FBXW7: variants seen among roughly 807,000 people sequenced by gnomAD.
FBXW7 encodes F-box and WD repeat domain containing 7.
Under a neutral mutation model 86.3 loss-of-function variants are expected in FBXW7, and 11 were observed. That is an observed-to-expected ratio of 0.13 (90% CI 0.08 to 0.21). The LOEUF is 0.21. Ranked by LOEUF, FBXW7 falls within the 10% of genes least tolerant of loss-of-function variation. The pLI is 1.00. For synonymous variants in FBXW7, 313 were observed against 297.9 expected (o/e 1.05, Z -0.52); for missense variants, 488 against 847.4 (o/e 0.58, Z 5.27).
At chr4:152,412,322 G>A (rs990692397) in intron 3 of FBXW7, among the ~76,000 whole-genome samples, 158 bp downstream of exon 3, 4 of 151,954 alleles carry the variant, frequency 2.6e-5, no homozygotes, top group Non-Finnish European at 5.9e-5. Flanking sequence ...TTTTTACCCT[G>A]GGTATTTCCC....
In FBXW7 at chr4:152,505,430, A is replaced by G. The variant is rs201738535; in HGVS notation, c.-120+29511T>C. 4.6e-5 allele frequency among the ~76,000 whole-genome samples: 7 copies of G among 152,298 alleles called. No individual in the cohort carries two copies. The East Asian group carries it at 9.6e-4, about 21-fold the overall frequency. On this transcript the variant is annotated intron_variant, in intron 2 of 13. Coordinates refer to ENST00000281708, the MANE Select transcript of FBXW7 (RefSeq NM_001349798.2). ...GTTTTAATTTTTTGCCTGTTTTGTA[A>G]TAACACTTAGCTTAAAACACATAGT... is the stretch of plus-strand genomic sequence containing the variant.
intron 2 of FBXW7, among the ~76,000 whole-genome samples, chr4:152,464,012 G>A (rs1465025002): frequency 3.9e-5 from 6 of 152,176 alleles, no homozygotes; most frequent in Non-Finnish European, 8.8e-5. Context: ...TGGATGAAAA[G>A]TGAAAAGACA....
chr4:152,347,889 G>A (rs1028277536), intron 5 of FBXW7, among the ~76,000 whole-genome samples: 3 of 151,990 alleles, frequency 2.0e-5, no homozygotes, highest in Admixed American at 6.6e-5. Flanking sequence ...TATTACTAAC[G>A]TATTAAACTT....
chr4:152,353,591 GC>G (rs1257057666), intron 4 of FBXW7, among the ~76,000 whole-genome samples: 3 of 152,148 alleles, frequency 2.0e-5, no homozygotes, highest in Non-Finnish European at 2.9e-5. Context: ...CACTGTGCTG[GC>G]TGGAGAGGCT....
At chr4:152,498,276 T>C (rs1746561913) in intron 2 of FBXW7, among the ~76,000 whole-genome samples, 1 of 138,660 alleles carries the variant, frequency 7.2e-6, no homozygotes, top group South Asian at 2.4e-4. Context: ...ATGAGAGAAA[T>C]AGAAGGCTTT....
At chr4:152,328,740 G>A (rs1183883766) in intron 10 of FBXW7, 2 of 161,692 alleles carry the variant, frequency 1.2e-5, no homozygotes, top group East Asian at 1.8e-4. Flanking sequence ...TTTCTTCCAT[G>A]GGAATAGATT....
chr4:152,508,044 T>A (rs1329726490), intron 2 of FBXW7, among the ~76,000 whole-genome samples: 1 of 151,354 alleles, frequency 6.6e-6, no homozygotes, highest in African/African-American at 2.4e-5. Flanking sequence ...CACTCCAGCC[T>A]GAGTGACACA....
intron 6 of FBXW7, among the ~76,000 whole-genome samples, chr4:152,344,893 T>C (rs528295502): frequency 6.6e-6 from 1 of 152,194 alleles, no homozygotes; most frequent in African/African-American, 2.4e-5. Context: ...CCTTTTCATA[T>C]AAAATAAGCA....
Position 152,411,743 on chromosome 4 carries a change from C to T in FBXW7, c.61G>A (p.Gly21Ser), listed in dbSNP as rs2126882443. The T allele has an allele frequency of 1.2e-6, 2 of 1,613,544 alleles. No homozygotes were observed. The highest frequency in any genetic ancestry group is 1.7e-6 in the Non-Finnish European group (2 of 1,179,756). Reference sequence around the variant, plus strand: ...TCTACCTGGCTTGAGGAAGGGTTACCTCTCAGAGAGCCTCCAGTTCGTCGT... The same window carrying T: ...TCTACCTGGCTTGAGGAAGGGTTACTTCTCAGAGAGCCTCCAGTTCGTCGT... The part of the protein sequence containing the change: ...KRRRTGGSLR[G>S]NPSSSQVDEE... Residue 21 changes from glycine to serine, a missense_variant, in exon 4 of 14, where the codon GGT becomes AGT. Transcript: ENST00000281708.
chr4:152,516,206 G>A (rs951291014), intron 2 of FBXW7, among the ~76,000 whole-genome samples: 1 of 152,246 alleles, frequency 6.6e-6, no homozygotes, highest in African/African-American at 2.4e-5. Flanking sequence ...TTAATTTGCT[G>A]TAGAGCAGGG....
intron 2 of FBXW7, among the ~76,000 whole-genome samples, chr4:152,479,030 A>C (rs1400321462): frequency 6.6e-6 from 1 of 152,128 alleles, no homozygotes; most frequent in East Asian, 1.9e-4. Flanking sequence ...AAAAGCAGTA[A>C]TCTAATAAAC....
At chr4:152,328,123 C>T in intron 11 of FBXW7, 85 bp downstream of exon 11, 1 of 1,058,854 alleles carries the variant, frequency 9.4e-7, no homozygotes, top group African/African-American at 1.7e-5. Flanking sequence ...CACACTGTCA[C>T]TATTTCAGTA....
intron 4 of FBXW7, among the ~76,000 whole-genome samples, chr4:152,396,856 C>T (rs917763672): frequency 6.6e-6 from 1 of 152,058 alleles, no homozygotes; most frequent in Non-Finnish European, 1.5e-5. Context: ...TTAGAGAATA[C>T]TGTTTATCAT....
intron 4 of FBXW7, among the ~76,000 whole-genome samples, chr4:152,378,178 C>T (rs1734729894): frequency 6.6e-6 from 1 of 152,144 alleles, no homozygotes; most frequent in Admixed American, 6.5e-5. Flanking sequence ...GATGACGATA[C>T]ATAAGATGTG....
chr4:152,448,820 G>GGT (rs1741647718), intron 2 of FBXW7, among the ~76,000 whole-genome samples: 1 of 152,144 alleles, frequency 6.6e-6, no homozygotes, highest in East Asian at 1.9e-4. Context: ...TTAGAAAGAA[G>GGT]GTAAGGTGCT....
At chr4:152,439,700 T>A (rs1037560558) in intron 2 of FBXW7, among the ~76,000 whole-genome samples, 5 of 151,670 alleles carry the variant, frequency 3.3e-5, no homozygotes, top group African/African-American at 9.7e-5. Flanking sequence ...CCGTCTCTAC[T>A]AAAAAATACA....
Position 152,324,412 on chromosome 4 carries a change from T to A in FBXW7, c.1645-18A>T, listed in dbSNP as rs2126481153. The A allele has an allele frequency of 6.5e-7, 1 of 1,548,756 alleles. No homozygotes were observed. Among genetic ancestry groups the A allele is most frequent in the African/African-American group, 1.4e-5 (1 of 73,182 alleles). ...CCATCAAACTACAAAAGACACAGTT[T>A]ATTAGAATAGAAGTATGGATACTCT... On this transcript the variant is annotated intron_variant, in intron 12 of 13. Transcript: ENST00000281708.
chr4:152,348,370 G>T (rs1480330323), intron 5 of FBXW7, among the ~76,000 whole-genome samples: 1 of 151,660 alleles, frequency 6.6e-6, no homozygotes, highest in Non-Finnish European at 1.5e-5. Flanking sequence ...ACAAATTTTT[G>T]ATGGAAAAAT....
chr4:152,413,751 A>G (rs1738186447), intron 2 of FBXW7, among the ~76,000 whole-genome samples: 1 of 152,188 alleles, frequency 6.6e-6, no homozygotes, highest in Admixed American at 6.6e-5. Flanking sequence ...GATAATGTTT[A>G]GAATAATGTC....
Sources: allele counts gnomAD v4.1 joint callset (sites outside exome capture counted in the v4.1 genomes callset), GRCh38; gene constraint gnomAD v4.1.1; transcripts MANE v1.5; gene names NCBI Gene and HGNC (gene_info 2026-07-23, HGNC 2026-07-21).